CALN1: variants seen among roughly 807,000 people sequenced by gnomAD.
CALN1 encodes the protein calcium-binding protein 8.
Under a neutral mutation model 30.6 loss-of-function variants are expected in CALN1, and 17 were observed. The ratio of observed to expected loss-of-function variants is 0.56; its 90% confidence interval spans 0.38 to 0.83. The LOEUF is 0.83. CALN1 is among the 40% of genes least tolerant of loss of function. CALN1 has a pLI of 0.00. For synonymous variants in CALN1, 156 were observed against 131.4 expected (o/e 1.19, Z -1.28); for missense variants, 291 against 354.9 (o/e 0.82, Z 1.45).
intron 2 of CALN1, among the ~76,000 whole-genome samples, chr7:72,310,744 A>G (rs1046935213): frequency 1.3e-5 from 2 of 151,904 alleles, no homozygotes; most frequent in Non-Finnish European, 1.5e-5. Flanking sequence ...TCTCTACAAA[A>G]AATACAAAAT....
intron 5 of CALN1, among the ~76,000 whole-genome samples, chr7:71,939,907 T>G (rs1468242936): frequency 6.6e-6 from 1 of 152,170 alleles, no homozygotes; most frequent in Non-Finnish European, 1.5e-5. Context: ...CCAGCTGATT[T>G]ACAACCCAGA....
At chr7:71,929,549 T>A (rs1395040482) in intron 5 of CALN1, among the ~76,000 whole-genome samples, 4 of 152,240 alleles carry the variant, frequency 2.6e-5, no homozygotes, top group African/African-American at 9.6e-5. Flanking sequence ...GATGGGCATG[T>A]AGGTTGATTC....
intron 4 of CALN1, among the ~76,000 whole-genome samples, chr7:72,024,036 C>T (rs1290929544): frequency 6.6e-6 from 1 of 152,206 alleles, no homozygotes; most frequent in African/African-American, 2.4e-5. Context: ...TCCCACTTAA[C>T]ATGGTTATAC....
At chr7:72,429,491 C>T (rs748702290) in intron 1 of CALN1, among the ~76,000 whole-genome samples, 36 of 152,054 alleles carry the variant, frequency 2.4e-4, no homozygotes, top group Non-Finnish European at 4.4e-4. Flanking sequence ...AAATCATCAC[C>T]GTTCTCTTTT....
intron 3 of CALN1, among the ~76,000 whole-genome samples, chr7:72,258,986 C>T (rs1796105789): frequency 6.6e-6 from 1 of 151,536 alleles, no homozygotes; most frequent in Non-Finnish European, 1.5e-5. Context: ...AAGGCTGAGG[C>T]AGGAGAATTG....
At chr7:71,904,565 G>A (rs1794028805) in intron 5 of CALN1, among the ~76,000 whole-genome samples, 3 of 152,086 alleles carry the variant, frequency 2.0e-5, no homozygotes, top group Admixed American at 2.0e-4. Flanking sequence ...GAAGGAGATG[G>A]GGAGATACTG....
chr7:72,106,209 C>T lies in CALN1; in HGVS notation c.330G>A (p.Leu110=). The part of the protein sequence containing the change: ...KQELGMAMRS[L]GYMPSEVELA... ...GCTCCACCTCGCTTGGCATGTACCCCAAAGAGCGCATGGCCATGCCCAGCT... is the reference window on the plus strand; with the variant it reads ...GCTCCACCTCGCTTGGCATGTACCCTAAAGAGCGCATGGCCATGCCCAGCT... Residue 110 remains leucine (L), a synonymous_variant, in exon 4 of 7, where the codon TTG becomes TTA. Transcript: ENST00000395275. 1 of 1,614,060 alleles carries T rather than the reference C, an allele frequency of 6.2e-7. No individual in the cohort carries two copies. Among genetic ancestry groups the T allele is most frequent in the Admixed American group, 1.7e-5 (1 of 60,016 alleles).
chr7:72,177,749 AGGG>A (rs1789466102), intron 3 of CALN1, among the ~76,000 whole-genome samples: 1 of 120,136 alleles, frequency 8.3e-6, no homozygotes, highest in Non-Finnish European at 1.8e-5. Context: ...TGGGCGACAG[AGGG>A]AAAAAAAAAA....
upstream of CALN1, among the ~76,000 whole-genome samples, chr7:72,448,460 T>A (rs1289039243): frequency 1.3e-5 from 2 of 152,248 alleles, no homozygotes; most frequent in Middle Eastern, 3.4e-3. Context: ...TGCTTGCCCC[T>A]GCTTGAGCAG....
chr7:72,476,353 T>G, the CALN1 span, among the ~76,000 whole-genome samples: 1 of 152,168 alleles, frequency 6.6e-6, no homozygotes, highest in Admixed American at 6.5e-5. Context: ...TGCTAAACTG[T>G]GAGTCCATTA....
intron 3 of CALN1, among the ~76,000 whole-genome samples, chr7:72,204,750 A>G (rs941812617): frequency 6.6e-6 from 1 of 152,210 alleles, no homozygotes; most frequent in Non-Finnish European, 1.5e-5. Context: ...GCAACATGGT[A>G]AACAGCATAT....
At chr7:71,869,495 A>G (rs985194453) in intron 5 of CALN1, among the ~76,000 whole-genome samples, 1 of 152,178 alleles carries the variant, frequency 6.6e-6, no homozygotes, top group Non-Finnish European at 1.5e-5. Flanking sequence ...TACAGGCTTG[A>G]GCCACCGTGC....
chr7:72,226,204 C>CA (rs1342955412), intron 3 of CALN1, among the ~76,000 whole-genome samples: 4 of 151,746 alleles, frequency 2.6e-5, no homozygotes, highest in African/African-American at 7.3e-5. Flanking sequence ...AAGATCACAG[C>CA]ATTGCACTCC....
At chr7:72,048,192 A>G (rs979105992) in intron 4 of CALN1, among the ~76,000 whole-genome samples, 1 of 151,992 alleles carries the variant, frequency 6.6e-6, no homozygotes, top group African/African-American at 2.4e-5. Flanking sequence ...GGTGTATGCC[A>G]TCGCACCCGG....
chr7:72,124,161 A>G (rs1439059876), intron 3 of CALN1, among the ~76,000 whole-genome samples: 1 of 152,176 alleles, frequency 6.6e-6, no homozygotes, highest in Non-Finnish European at 1.5e-5. Context: ...TCCAGGAGGA[A>G]GCTGAGCGGC....
intron 6 of CALN1, among the ~76,000 whole-genome samples, chr7:71,806,267 CACAA>C (rs764285073): frequency 0.018 from 2,489 of 138,968 alleles, 29 homozygotes; most frequent in Non-Finnish European, 0.025. Flanking sequence ...CACACACACA[CACAA>C]ACACACACAC....
chr7:71,995,762 T>G (rs1224758245), intron 5 of CALN1, among the ~76,000 whole-genome samples: 1 of 151,544 alleles, frequency 6.6e-6, no homozygotes, highest in South Asian at 2.1e-4. Context: ...GCAAGGTAGA[T>G]CTCCACCAAA....
chr7:72,396,245 A>AAAAAAAG (rs1805934588), intron 2 of CALN1, among the ~76,000 whole-genome samples: 1 of 97,520 alleles, frequency 1.0e-5, no homozygotes, highest in African/African-American at 6.2e-5. Context: ...TAAAAAAAAA[A>AAAAAAAG]AAAAAAAAAA....
intron 3 of CALN1, among the ~76,000 whole-genome samples, chr7:72,207,200 G>A (rs775744382): frequency 4.6e-5 from 7 of 152,096 alleles, no homozygotes; most frequent in East Asian, 1.9e-4. Flanking sequence ...CTCTCTCCCC[G>A]ATTCACTAGG....
Sources: allele counts gnomAD v4.1 joint callset (sites outside exome capture counted in the v4.1 genomes callset), GRCh38; gene constraint gnomAD v4.1.1; transcripts MANE v1.5; gene names NCBI Gene and HGNC (gene_info 2026-07-23, HGNC 2026-07-21).